The following VPS13B variants were observed in gnomAD, a reference collection of about 807,000 sequenced individuals.
VPS13B encodes the protein intermembrane lipid transfer protein VPS13B.
VPS13B carries 285 observed loss-of-function variants against 426.4 expected under a neutral mutation model. That is an observed-to-expected ratio of 0.67 (90% confidence interval 0.61 to 0.74). The LOEUF (loss-of-function observed/expected upper bound fraction) is 0.74. Ranked by LOEUF, VPS13B falls within the 30% of genes least tolerant of loss-of-function variation. The pLI, the probability that VPS13B is intolerant of heterozygous loss-of-function variation, is 0.00. For synonymous variants in VPS13B, 1,676 were observed against 1,676.4 expected (o/e 1.00, Z 0.01); for missense variants, 4,537 against 4,782.6 (o/e 0.95, Z 1.51).
intron 20 of VPS13B, among the ~76,000 whole-genome samples, chr8:99,391,127 G>A (rs2133311350): frequency 6.6e-6 from 1 of 151,974 alleles, no homozygotes; most frequent in South Asian, 2.1e-4. Context: ...TTTTTTATAA[G>A]GATCCATTTT....
intron 58 of VPS13B, 68 bp downstream of exon 58, chr8:99,862,014 T>C (rs1362473691): frequency 2.9e-5 from 44 of 1,498,144 alleles, no homozygotes; most frequent in Non-Finnish European, 3.9e-5. Flanking sequence ...CTCCCAGGAC[T>C]GGGCAACTTC....
At chr8:99,168,455 T>C (rs1033695010) in intron 15 of VPS13B, among the ~76,000 whole-genome samples, 7 of 152,112 alleles carry the variant, frequency 4.6e-5, no homozygotes, top group African/African-American at 1.7e-4. Context: ...GCATAGGTAA[T>C]ATGATGTGAT....
At chr8:99,856,150 A>G (rs1816533004) in intron 56 of VPS13B, among the ~76,000 whole-genome samples, 1 of 152,214 alleles carries the variant, frequency 6.6e-6, no homozygotes, top group Non-Finnish European at 1.5e-5. Flanking sequence ...TTATATTTTT[A>G]ATGAGCTTTC....
chr8:99,123,010 A>G (rs1848020593), intron 8 of VPS13B, among the ~76,000 whole-genome samples: 1 of 150,760 alleles, frequency 6.6e-6, no homozygotes, highest in Non-Finnish European at 1.5e-5. Context: ...AATCCCAGCT[A>G]CTCGGGAGGC....
chr8:99,451,010 A>G, intron 23 of VPS13B, among the ~76,000 whole-genome samples: 1 of 152,312 alleles, frequency 6.6e-6, no homozygotes, highest in Middle Eastern at 3.4e-3. Flanking sequence ...ACAAAATTTA[A>G]TAATTTAAAA....
chr8:99,449,858 A>C (rs1344286350), intron 23 of VPS13B, among the ~76,000 whole-genome samples: 1 of 151,866 alleles, frequency 6.6e-6, no homozygotes, highest in Non-Finnish European at 1.5e-5. Context: ...ACCAGGCTGG[A>C]GTGAAGTGGC....
chr8:99,308,319 T>C (rs1422228341), intron 19 of VPS13B, among the ~76,000 whole-genome samples: 2 of 152,148 alleles, frequency 1.3e-5, no homozygotes, highest in Non-Finnish European at 2.9e-5. Context: ...CCTAATGCTA[T>C]CTCTCCCCTC....
At chr8:99,532,202 T>A (rs1252438611) in intron 30 of VPS13B, among the ~76,000 whole-genome samples, 18 of 152,190 alleles carry the variant, frequency 1.2e-4, no homozygotes, top group Non-Finnish European at 1.5e-4. Flanking sequence ...CATAGCTCCT[T>A]TTTAAACATC....
intron 17 of VPS13B, among the ~76,000 whole-genome samples, chr8:99,204,612 T>A (rs10107358): frequency 0.55 from 84,162 of 152,098 alleles, 25,598 homozygotes; most frequent in South Asian, 0.7. Context: ...TCTGTTTATT[T>A]GACAAAGGTC....
intron 19 of VPS13B, among the ~76,000 whole-genome samples, chr8:99,353,673 G>A (rs956791453): frequency 6.6e-6 from 1 of 150,636 alleles, no homozygotes; most frequent in African/African-American, 2.4e-5. Context: ...AGAAAAAATA[G>A]CACTAGATGC....
chr8:99,478,447 G>GTTTTTTTTTTTTTT (rs56261645), intron 24 of VPS13B, among the ~76,000 whole-genome samples: 14 of 85,762 alleles, frequency 1.6e-4, no homozygotes, highest in East Asian at 3.6e-4. Flanking sequence ...TTTTTGTTTT[G>GTTTTTTTTTTTTTT]TTTTTTTTTT....
Position 99,871,717 on chromosome 8 carries a change from G to A in VPS13B, c.11745+20G>A. 1.9e-6 allele frequency: 3 copies of A among 1,612,586 alleles called. No individual in the cohort carries two copies. Among genetic ancestry groups the A allele is most frequent in the Non-Finnish European group, 2.5e-6 (3 of 1,179,964 alleles). The stretch of plus-strand genomic sequence containing the variant: ...GTGGAGGTACGTTTCAGAAAACAGG[G>A]CAACCAAGACTAGCTGGCCAGGGAG... On this transcript the variant is annotated intron_variant, in intron 61 of 61. Coordinates refer to ENST00000357162, the MANE Select transcript of VPS13B (RefSeq NM_152564.5).
chr8:99,117,971 A>G (rs868066370), intron 7 of VPS13B, among the ~76,000 whole-genome samples: 1 of 152,206 alleles, frequency 6.6e-6, no homozygotes, highest in Non-Finnish European at 1.5e-5. Context: ...CTACCTTAAA[A>G]TAAAGCATAG....
At chr8:99,017,024 C>T (rs1377729859) in intron 2 of VPS13B, among the ~76,000 whole-genome samples, 2 of 152,130 alleles carry the variant, frequency 1.3e-5, no homozygotes, top group African/African-American at 2.4e-5. Flanking sequence ...TACTGAGGTC[C>T]AATTTATCAA....
intron 34 of VPS13B, among the ~76,000 whole-genome samples, chr8:99,654,863 A>C (rs529009817): frequency 3.3e-5 from 5 of 152,190 alleles, no homozygotes; most frequent in East Asian, 1.9e-4. Flanking sequence ...TTAAGCCAAA[A>C]AAAAAAAAAA....
chr8:99,643,418 A>G (rs1266132362), intron 34 of VPS13B, among the ~76,000 whole-genome samples: 1 of 152,180 alleles, frequency 6.6e-6, no homozygotes, highest in Non-Finnish European at 1.5e-5. Flanking sequence ...TGCCATTAAG[A>G]AGGACCATTT....
At chr8:99,330,364 G>T (rs770027295) in intron 19 of VPS13B, among the ~76,000 whole-genome samples, 53 of 151,774 alleles carry the variant, frequency 3.5e-4, no homozygotes, top group Non-Finnish European at 6.5e-4. Flanking sequence ...ATTCTATTTG[G>T]AGGTTGAGAC....
At chr8:99,815,380 C>A (rs1813969087) in intron 44 of VPS13B, among the ~76,000 whole-genome samples, 1 of 152,036 alleles carries the variant, frequency 6.6e-6, no homozygotes, top group Non-Finnish European at 1.5e-5. Context: ...CCAGAAAAGA[C>A]CAATGCCCTA....
chr8:99,267,690 G>A (rs188852023), intron 17 of VPS13B, among the ~76,000 whole-genome samples: 1 of 151,154 alleles, frequency 6.6e-6, no homozygotes, highest in Admixed American at 6.6e-5. Context: ...TCTTGCCACT[G>A]CACTCCAGCC....
Sources: allele counts gnomAD v4.1 joint callset (sites outside exome capture counted in the v4.1 genomes callset), GRCh38; gene constraint gnomAD v4.1.1; transcripts MANE v1.5; gene names NCBI Gene and HGNC (gene_info 2026-07-23, HGNC 2026-07-21).